ROBO2: variants seen among roughly 807,000 people sequenced by gnomAD.
The protein encoded by ROBO2 is roundabout guidance receptor 2, also known as roundabout homolog 2.
A neutral mutation model predicts 160.8 loss-of-function variants in ROBO2; 53 were observed. The ratio of observed to expected loss-of-function variants is 0.33; its 90% confidence interval spans 0.26 to 0.41. The LOEUF (loss-of-function observed/expected upper bound fraction) is 0.41. Ranked by LOEUF, ROBO2 falls within the 10% of genes least tolerant of loss-of-function variation. The pLI is 1.00. For synonymous variants in ROBO2, 664 were observed against 611.7 expected, an observed-to-expected ratio of 1.09 and a Z score of -1.26; for missense variants, 1,577 against 1,722.4, an observed-to-expected ratio of 0.92 and a Z score of 1.49.
intron 2 of ROBO2, among the ~76,000 whole-genome samples, chr3:77,176,849 ACAAGTT>A (rs2080209607): frequency 6.6e-6 from 1 of 151,998 alleles, no homozygotes; most frequent in Admixed American, 6.6e-5. Context: ...TATAAAACTT[ACAAGTT>A]CAATACTGAG....
intron 2 of ROBO2, among the ~76,000 whole-genome samples, chr3:76,921,675 T>G (rs1216982172): frequency 1.3e-5 from 2 of 152,182 alleles, no homozygotes; most frequent in Non-Finnish European, 2.9e-5. Context: ...TGAGTGTTTT[T>G]TGTTTGTTTC....
At chr3:76,864,453 G>A (rs1280251687) in intron 2 of ROBO2, among the ~76,000 whole-genome samples, 3 of 151,628 alleles carry the variant, frequency 2.0e-5, no homozygotes, top group Admixed American at 6.6e-5. Flanking sequence ...GAATCCCATC[G>A]TTTCTGCATT....
Position 76,001,161 on chromosome 3 carries a change from C to G in ROBO2, c.109+63559C>G, listed in dbSNP as rs996395906. 2.6e-5 allele frequency among the ~76,000 whole-genome samples: 4 copies of G among 152,248 alleles called. No individual in the cohort carries two copies. In the Middle Eastern group the frequency reaches 0.01, roughly 388 times the overall value. ...GTTGGACAAAGTACATTAGCACTAA[C>G]GAAGCACAACATTGCATTAACGAAG... On this transcript the variant is annotated intron_variant, in intron 2 of 26. Transcript: ENST00000487694.
At chr3:77,242,512 A>G (rs1285521637) in intron 2 of ROBO2, among the ~76,000 whole-genome samples, 3 of 152,158 alleles carry the variant, frequency 2.0e-5, no homozygotes, top group Non-Finnish European at 4.4e-5. Context: ...AGTTTACTGA[A>G]ATAATTTCTT....
intron 2 of ROBO2, among the ~76,000 whole-genome samples, chr3:77,221,914 A>G (rs1233160854): frequency 1.4e-5 from 2 of 140,762 alleles, no homozygotes; most frequent in East Asian, 2.1e-4. Flanking sequence ...CTGCAGTGGC[A>G]CGATCTCGGC....
chr3:76,809,771 C>A (rs908390096), intron 2 of ROBO2, among the ~76,000 whole-genome samples: 1 of 151,828 alleles, frequency 6.6e-6, no homozygotes, highest in Admixed American at 6.6e-5. Context: ...TTTTAAATTA[C>A]CTTATATCAT....
intron 2 of ROBO2, among the ~76,000 whole-genome samples, chr3:76,457,310 A>T (rs760143484): frequency 6.6e-6 from 1 of 152,196 alleles, no homozygotes; most frequent in Non-Finnish European, 1.5e-5. Context: ...GGCCAAAACA[A>T]AGGGGCTGCA....
chr3:76,704,356 C>T (rs1365494992), intron 2 of ROBO2, among the ~76,000 whole-genome samples: 3 of 152,020 alleles, frequency 2.0e-5, no homozygotes, highest in Non-Finnish European at 4.4e-5. Context: ...TGTTTCTTTA[C>T]TGCATTTTGA....
intron 2 of ROBO2, among the ~76,000 whole-genome samples, chr3:76,801,278 G>A (rs1284102776): frequency 6.6e-6 from 1 of 152,034 alleles, no homozygotes; most frequent in East Asian, 1.9e-4. Context: ...GTGTGGGAGT[G>A]GGAAAGAAAT....
intron 2 of ROBO2, among the ~76,000 whole-genome samples, chr3:76,823,996 T>C (rs1444942829): frequency 5.9e-5 from 9 of 152,160 alleles, no homozygotes; most frequent in Admixed American, 5.9e-4. Context: ...TGAGCAATCC[T>C]GGTTTGTATG....
chr3:76,286,615 G>C (rs978028846), intron 2 of ROBO2, among the ~76,000 whole-genome samples: 1 of 152,172 alleles, frequency 6.6e-6, no homozygotes. Flanking sequence ...TTTGAGATCA[G>C]CACTGGGAGT....
chr3:76,289,001 G>A (rs141388353), intron 2 of ROBO2, among the ~76,000 whole-genome samples: 11,324 of 152,150 alleles, frequency 0.074, 714 homozygotes, highest in African/African-American at 0.16. Context: ...ATTTTGGGGG[G>A]TACATACCCT....
intron 2 of ROBO2, among the ~76,000 whole-genome samples, chr3:76,923,270 T>C (rs1174000583): frequency 6.6e-6 from 1 of 152,228 alleles, no homozygotes; most frequent in Non-Finnish European, 1.5e-5. Flanking sequence ...CTGAACACCG[T>C]TATCATCCTT....
rs547978806 is a variant in ROBO2 at position 77,053,945 on chromosome 3, T to C, written c.61+13099T>C. On this transcript the variant is annotated intron_variant, in intron 1 of 25. Coordinates refer to ENST00000461745, the Ensembl canonical transcript of ROBO2. ...CAGTTTAAAGGTCATGCGATTATAG[T>C]GCCCATTTAGGGAGTATTGCATCAC... Among the ~76,000 whole-genome samples the C allele has an allele frequency of 2.2e-4, 33 of 152,284 alleles. 1 individual carries two copies. In the South Asian group the frequency reaches 6.6e-3, roughly 31 times the overall value.
chr3:76,558,945 C>G (rs1351547465), intron 2 of ROBO2, among the ~76,000 whole-genome samples: 1 of 152,156 alleles, frequency 6.6e-6, no homozygotes, highest in Non-Finnish European at 1.5e-5. Context: ...GTATCCCAGA[C>G]TCTAGACTGT....
intron 2 of ROBO2, among the ~76,000 whole-genome samples, chr3:76,123,838 T>C (rs1387230323): frequency 6.6e-6 from 1 of 152,164 alleles, no homozygotes; most frequent in Non-Finnish European, 1.5e-5. Context: ...ATCATATTTA[T>C]GGGGTGGAGG....
intron 2 of ROBO2, among the ~76,000 whole-genome samples, chr3:76,986,595 T>TA (rs1439040698): frequency 6.6e-6 from 1 of 152,092 alleles, no homozygotes; most frequent in African/African-American, 2.4e-5. Flanking sequence ...TTACAATTTT[T>TA]AAAAAACAGA....
At chr3:76,961,739 T>G (rs1184210442) in intron 2 of ROBO2, among the ~76,000 whole-genome samples, 1 of 152,186 alleles carries the variant, frequency 6.6e-6, no homozygotes, top group Non-Finnish European at 1.5e-5. Context: ...AACTTAAGTT[T>G]CCATAGTCCT....
At chr3:77,288,633 C>A (rs2060786879) in intron 2 of ROBO2, among the ~76,000 whole-genome samples, 1 of 150,994 alleles carries the variant, frequency 6.6e-6, no homozygotes, top group East Asian at 1.9e-4. Flanking sequence ...TCCAACATGG[C>A]AGATTTTTTT....
Sources: allele counts gnomAD v4.1 joint callset (sites outside exome capture counted in the v4.1 genomes callset), GRCh38; gene constraint gnomAD v4.1.1; transcripts MANE v1.5; gene names NCBI Gene and HGNC (gene_info 2026-07-23, HGNC 2026-07-21).